The following EBF3 variants were observed in gnomAD, a reference collection of about 807,000 sequenced individuals.
The protein encoded by EBF3 is transcription factor COE3.
A neutral mutation model predicts 77.1 loss-of-function variants in EBF3; 18 were observed. The observed-to-expected ratio is 0.23, with a 90% CI of 0.16 to 0.35. The LOEUF (loss-of-function observed/expected upper bound fraction) is 0.35. EBF3 is among the 10% of genes least tolerant of loss of function. The pLI is 1.00. For synonymous variants in EBF3, 350 were observed against 343.5 expected, an observed-to-expected ratio of 1.02 and a Z score of -0.21; for missense variants, 558 against 860.0, an observed-to-expected ratio of 0.65 and a Z score of 4.39.
chr10:129,851,520 C>T (rs1306830022), intron 10 of EBF3, among the ~76,000 whole-genome samples: 3 of 152,110 alleles, frequency 2.0e-5, no homozygotes, highest in Non-Finnish European at 4.4e-5. Context: ...TTATTTTCTA[C>T]TGAAGGGGGA....
At chr10:129,840,207 G>T in intron 15 of EBF3, 38 bp downstream of exon 15, 2 of 1,516,350 alleles carry the variant, frequency 1.3e-6, no homozygotes, top group Non-Finnish European at 1.8e-6. Flanking sequence ...CCCCTGGAGA[G>T]GACCCAGCAC....
At chr10:129,930,657 ATATATC>A (rs1443444510) in intron 6 of EBF3, among the ~76,000 whole-genome samples, 216 of 146,440 alleles carry the variant, frequency 1.5e-3, no homozygotes, top group African/African-American at 5.3e-3. Flanking sequence ...TCCCCCTCTC[ATATATC>A]TATATCTATA....
At chr10:129,886,010 AG>A (rs1169150714) in intron 6 of EBF3, among the ~76,000 whole-genome samples, 4 of 145,644 alleles carry the variant, frequency 2.7e-5, no homozygotes, top group Admixed American at 7.1e-5. Context: ...AATGTGGGTG[AG>A]GGGGTGTTGT....
intron 6 of EBF3, among the ~76,000 whole-genome samples, chr10:129,925,085 CGT>C (rs34706080): frequency 0.048 from 7,231 of 151,296 alleles, 268 homozygotes; most frequent in Admixed American, 0.11. Flanking sequence ...TGTGTGCACG[CGT>C]GTGTGTGTGT....
At chr10:129,905,508 T>C (rs1855079873) in intron 6 of EBF3, among the ~76,000 whole-genome samples, 1 of 152,100 alleles carries the variant, frequency 6.6e-6, no homozygotes, top group Non-Finnish European at 1.5e-5. Context: ...GTGGCTTTCA[T>C]GTGTGGTTTG....
rs1850104827 is a variant in EBF3, at chr10:129,842,088, C to G, written c.1372+28G>C. 1 of 1,613,934 alleles carries G rather than the reference C, an allele frequency of 6.2e-7. No individual in the cohort carries two copies. The highest frequency in any genetic ancestry group is 1.7e-4 in the Middle Eastern group (1 of 6,060). On this transcript the variant is annotated intron_variant, in intron 13 of 16. Transcript: ENST00000440978. This position sits in a 1 kb window ranked among gnomAD's most constrained non-coding sequence, Gnocchi z 4.4. The stretch of plus-strand genomic sequence containing the variant: ...ACCAACCCTCGGAGGGCGTTCAGGG[C>G]AGGGGTCCTCCCAGCATGCTGGCAT...
chr10:129,933,475 G>C (rs1031287022), intron 6 of EBF3, among the ~76,000 whole-genome samples: 4 of 152,210 alleles, frequency 2.6e-5, no homozygotes, highest in African/African-American at 9.6e-5. Context: ...CAGCAGTATA[G>C]ATGGCATTCG....
Position 129,930,110 on chromosome 10 carries a change from C to G in EBF3, c.554+27148G>C, listed in dbSNP as rs113932790. ...GAACTTCAGGCTCCAGGCCTTTGCA[C>G]TCTGGGATTCACACCAGCAGTCCCG... On this transcript the variant is annotated intron_variant, in intron 6 of 16. Transcript: ENST00000440978. 2.0e-5 allele frequency among the ~76,000 whole-genome samples: 3 copies of G among 152,314 alleles called. No homozygotes were observed. The East Asian group carries it at 5.8e-4, about 29-fold the overall frequency.
At position 129,837,921 on chromosome 10, in the gene EBF3, G is replaced by C. The variant is rs746814838; in HGVS notation, c.*22C>G. 7.4e-6 allele frequency: 12 copies of C among 1,613,904 alleles called. No homozygotes were observed. In the East Asian group the frequency reaches 2.7e-4, roughly 36 times the overall value. On this transcript the variant is annotated 3_prime_UTR_variant, in exon 17 of 17. Coordinates refer to ENST00000440978, the MANE Select transcript of EBF3 (RefSeq NM_001375380.1). ...TGCTGGGTGCTGCGGAAGGTAAACAGAAGTCCCTCACATTGGCGGGACTAC... is the reference window on the plus strand; with the variant it reads ...TGCTGGGTGCTGCGGAAGGTAAACACAAGTCCCTCACATTGGCGGGACTAC...
At chr10:129,886,255 C>T (rs1430929847) in intron 6 of EBF3, among the ~76,000 whole-genome samples, 1 of 152,198 alleles carries the variant, frequency 6.6e-6, no homozygotes, top group Admixed American at 6.5e-5. Flanking sequence ...ATGCGGCTCT[C>T]TAGCCTTTTA....
intron 11 of EBF3, 80 bp from the exon 12 acceptor site, chr10:129,843,282 C>T (rs943343454): frequency 4.6e-5 from 68 of 1,468,606 alleles, no homozygotes; most frequent in Non-Finnish European, 5.7e-5. Context: ...GTTCCGTCTG[C>T]GGGTGTGGAG....
intron 7 of EBF3, 62 bp from the exon 8 acceptor site, chr10:129,873,658 G>A: frequency 7.0e-7 from 1 of 1,425,896 alleles, no homozygotes; most frequent in Non-Finnish European, 9.2e-7. Context: ...CCCCTGTTAG[G>A]CAAAATACAA....
Position 129,842,762 on chromosome 10 carries a change from TAAAAAAAA to T in EBF3, c.1194+367_1194+374del, listed in dbSNP as rs35249799. On this transcript the variant is annotated intron_variant, in intron 12 of 16. Coordinates refer to ENST00000440978, the MANE Select transcript of EBF3 (RefSeq NM_001375380.1). This position sits in a 1 kb window ranked among gnomAD's most constrained non-coding sequence, Gnocchi z 4.4. ...CTGGGTGACAGAGCAAGACCCTGTCTAAAAAAAAAAAAAAAAAAAGGGAGCAACATTTG... is the reference window on the plus strand; with the variant it reads ...CTGGGTGACAGAGCAAGACCCTGTCTAAAAAAAAAAAGGGAGCAACATTTG... Among the ~76,000 whole-genome samples, 90 of 112,698 alleles carry T rather than the reference TAAAAAAAA, an allele frequency of 8.0e-4. No homozygotes were observed. The highest frequency in any genetic ancestry group is 3.1e-3 in the African/African-American group (86 of 27,712). The allele number at this position is 112,698 out of a possible 152,430, so 73.9% of individuals were successfully genotyped here.
At chr10:129,852,157 T>C (rs1471188256) in intron 10 of EBF3, among the ~76,000 whole-genome samples, 1 of 152,174 alleles carries the variant, frequency 6.6e-6, no homozygotes, top group Non-Finnish European at 1.5e-5. Flanking sequence ...CACGACCACA[T>C]AGACTCAATG....
In EBF3 at chr10:129,841,089, G is replaced by C. The variant is rs540898994; in HGVS notation, c.1373-57C>G. Reference sequence around the variant, plus strand: ...CATTATTATCAGCGACAGACACTTGGGGGGGGTTCCCCGAGAATCTATATC... The same window carrying C: ...CATTATTATCAGCGACAGACACTTGCGGGGGGTTCCCCGAGAATCTATATC... On this transcript the variant is annotated intron_variant, in intron 13 of 16. Coordinates refer to ENST00000440978, the MANE Select transcript of EBF3 (RefSeq NM_001375380.1). This position sits in a 1 kb window ranked among gnomAD's most constrained non-coding sequence, Gnocchi z 4.6. 19 of 1,587,688 alleles carry C rather than the reference G, an allele frequency of 1.2e-5. No individual in the cohort carries two copies. The African/African-American group carries it at 2.0e-4, about 17-fold the overall frequency.
rs193133352 is a variant in EBF3 at position 129,951,270 on chromosome 10, A to G, written c.554+5988T>C. On this transcript the variant is annotated intron_variant, in intron 6 of 16. Transcript: ENST00000440978. The stretch of plus-strand genomic sequence containing the variant: ...ACCTCGAGTTTGGACGGCTTTCCAT[A>G]AAGTAATCCAATTCACCCATGCCAT... Among the ~76,000 whole-genome samples the G allele has an allele frequency of 3.9e-5, 6 of 152,324 alleles. No homozygotes were observed. The East Asian group carries it at 1.2e-3, about 29-fold the overall frequency.
rs183316200 is a variant in EBF3, at chr10:129,840,460, C to G, written c.1562-18G>C. On this transcript the variant is annotated intron_variant, in intron 14 of 16. Transcript: ENST00000440978. ...CGGCACTACTGCAACAAAGCAAACACGGTCAGCACGCGCGGCCGCGGCACA... is the reference window on the plus strand; with the variant it reads ...CGGCACTACTGCAACAAAGCAAACAGGGTCAGCACGCGCGGCCGCGGCACA... 2 of 1,546,468 alleles carry G rather than the reference C, an allele frequency of 1.3e-6. No individual in the cohort carries two copies. The highest frequency in any genetic ancestry group is 1.7e-6 in the Non-Finnish European group (2 of 1,143,340).
chr10:129,946,105 C>G (rs918642277), intron 6 of EBF3, among the ~76,000 whole-genome samples: 7 of 152,062 alleles, frequency 4.6e-5, no homozygotes, highest in African/African-American at 1.7e-4. Context: ...GGGAATAAAT[C>G]AAAACATGAT....
intron 14 of EBF3, 33 bp downstream of exon 14, chr10:129,840,811 G>T (rs780293098): frequency 1.3e-6 from 2 of 1,597,694 alleles, no homozygotes. Flanking sequence ...ATATGAATCT[G>T]CGTGATGACG....
Sources: gnomAD v4.1 joint callset for allele counts (sites outside exome capture counted in the v4.1 genomes callset) on GRCh38, gnomAD v4.1.1 for gene constraint, Gnocchi (gnomAD v3.1) non-coding constraint, MANE v1.5 for transcripts, NCBI Gene and HGNC (gene_info 2026-07-23, HGNC 2026-07-21) for gene names.